Variants in ZCCHC24 observed in about 807,000 individuals in gnomAD.
ZCCHC24 encodes the protein zinc finger CCHC domain-containing protein 24.
In ZCCHC24, 10 loss-of-function variants were observed where a neutral mutation model predicts 26.2. The ratio of observed to expected loss-of-function variants is 0.38; its 90% CI spans 0.24 to 0.65. The LOEUF is 0.65. ZCCHC24 is among the 30% of genes least tolerant of loss of function. The probability of loss-of-function intolerance (pLI) is 0.54; values close to 1 mark genes in which losing one functional copy is unlikely to be tolerated. For missense variants in ZCCHC24, 243 were observed against 329.1 expected (o/e 0.74, Z 2.03); for synonymous variants, 144 against 147.1 (o/e 0.98, Z 0.15).
At chr10:79,400,498 G>A (rs1024201324) in intron 2 of ZCCHC24, among the ~76,000 whole-genome samples, 1 of 152,254 alleles carries the variant, frequency 6.6e-6, no homozygotes, top group Non-Finnish European at 1.5e-5. Context: ...GGACTGGCAG[G>A]AAAGCAGCCA....
At chr10:79,424,751 C>T (rs1292248173) in intron 2 of ZCCHC24, among the ~76,000 whole-genome samples, 3 of 152,200 alleles carry the variant, frequency 2.0e-5, no homozygotes, top group Non-Finnish European at 4.4e-5. Context: ...TCCAGCCACA[C>T]CCCCACTCCT....
chr10:79,422,661 AT>A (rs1203561153), intron 2 of ZCCHC24, among the ~76,000 whole-genome samples: 2 of 152,076 alleles, frequency 1.3e-5, no homozygotes, highest in Non-Finnish European at 2.9e-5. Context: ...GGGGGCGATG[AT>A]TGTTTTCTGT....
chr10:79,384,458 G>A lies in ZCCHC24; in HGVS notation c.*1887C>T, dbSNP rs112598645. 1,579 of 152,570 alleles carry A rather than the reference G, an allele frequency of 0.01. 16 individuals are homozygous for A. Among genetic ancestry groups the A allele is most frequent in the Middle Eastern group, 0.041 (12 of 294 alleles). The allele number at this position is 152,570 out of a possible 1,614,324, so 9.5% of individuals were successfully genotyped here. ...TCTCCTTGGGACAGAAGCCTGGGCC[G>A]GGGCCAACCCCAGCTCACCTCAACA... is the stretch of plus-strand genomic sequence containing the variant. On this transcript the variant is annotated 3_prime_UTR_variant, in exon 4 of 4. Transcript: ENST00000372336.
At chr10:79,421,198 C>T (rs985938752) in intron 2 of ZCCHC24, among the ~76,000 whole-genome samples, 3 of 152,222 alleles carry the variant, frequency 2.0e-5, no homozygotes, top group Non-Finnish European at 4.4e-5. Context: ...ACGACACCCC[C>T]AGCAACACCC....
intron 2 of ZCCHC24, among the ~76,000 whole-genome samples, chr10:79,431,203 A>G (rs1184301620): frequency 6.6e-6 from 1 of 152,194 alleles, no homozygotes; most frequent in African/African-American, 2.4e-5. Context: ...ACAAAGTGCA[A>G]CAGGCTATGG....
At chr10:79,415,036 C>T (rs1470023303) in intron 2 of ZCCHC24, among the ~76,000 whole-genome samples, 1 of 152,228 alleles carries the variant, frequency 6.6e-6, no homozygotes, top group Non-Finnish European at 1.5e-5. Context: ...CCCTGACTCA[C>T]CGCATCTGTC....
At chr10:79,429,652 G>C (rs929904077) in intron 2 of ZCCHC24, among the ~76,000 whole-genome samples, 1 of 152,182 alleles carries the variant, frequency 6.6e-6, no homozygotes, top group African/African-American at 2.4e-5. Flanking sequence ...AATGTTCTCT[G>C]ATTGAGGTGA....
chr10:79,390,071 A>G (rs550054371), intron 3 of ZCCHC24, among the ~76,000 whole-genome samples: 2 of 152,098 alleles, frequency 1.3e-5, no homozygotes, highest in African/African-American at 4.8e-5. Context: ...AGGTCTCACT[A>G]TATTGACCAG....
At chr10:79,408,603 A>G (rs1472853128) in intron 2 of ZCCHC24, among the ~76,000 whole-genome samples, 1 of 152,218 alleles carries the variant, frequency 6.6e-6, no homozygotes, top group East Asian at 1.9e-4. Flanking sequence ...GGCGCGGAAG[A>G]AAAGTAAGTA....
intron 2 of ZCCHC24, among the ~76,000 whole-genome samples, chr10:79,404,612 A>G (rs1330591617): frequency 2.6e-5 from 4 of 152,200 alleles, no homozygotes; most frequent in Non-Finnish European, 5.9e-5. Context: ...TGTTGTTTCC[A>G]GATCTTGCAC....
chr10:79,421,050 C>T (rs770781373), intron 2 of ZCCHC24, among the ~76,000 whole-genome samples: 38 of 152,318 alleles, frequency 2.5e-4, no homozygotes, highest in Admixed American at 7.2e-4. Context: ...GGCTTCAGGG[C>T]TGTGCTCGAA....
chr10:79,422,435 C>T (rs1856956501), intron 2 of ZCCHC24, among the ~76,000 whole-genome samples: 1 of 152,166 alleles, frequency 6.6e-6, no homozygotes, highest in African/African-American at 2.4e-5. Flanking sequence ...GGGAGGGGTG[C>T]AGGGGCTGGG....
At chr10:79,394,195 G>A in intron 3 of ZCCHC24, 81 bp downstream of exon 3, 1 of 1,515,998 alleles carries the variant, frequency 6.6e-7, no homozygotes, top group East Asian at 2.3e-5. Flanking sequence ...TCCCTTGTAG[G>A]AGGGAGTAAA....
intron 2 of ZCCHC24, among the ~76,000 whole-genome samples, chr10:79,406,810 G>A (rs1856720723): frequency 6.6e-6 from 1 of 152,196 alleles, no homozygotes; most frequent in Non-Finnish European, 1.5e-5. Flanking sequence ...CCTCCTACAT[G>A]GCCTTGAGCT....
chr10:79,411,362 C>A (rs1275388242), intron 2 of ZCCHC24, among the ~76,000 whole-genome samples: 1 of 152,204 alleles, frequency 6.6e-6, no homozygotes, highest in Non-Finnish European at 1.5e-5. Flanking sequence ...AGCAAATAGG[C>A]TCAGAGCAGG....
rs1002356252 is a variant in ZCCHC24 at position 79,382,790 on chromosome 10, C to G, written c.*3555G>C. 1 of 152,824 alleles carries G rather than the reference C, an allele frequency of 6.5e-6. No individual in the cohort carries two copies. The highest frequency in any genetic ancestry group is 1.5e-5 in the Non-Finnish European group (1 of 68,058). The allele number at this position is 152,824 out of a possible 1,614,324, so 9.5% of individuals were successfully genotyped here. ...GGTGTAAGGGCTCCGGTTGACATTT[C>G]CAAGTTCAAGGAGCATGGCCTGGAG... is the stretch of plus-strand genomic sequence containing the variant. On this transcript the variant is annotated 3_prime_UTR_variant, in exon 4 of 4. Transcript: ENST00000372336.
chr10:79,439,589 C>T (rs1360646929), intron 1 of ZCCHC24, among the ~76,000 whole-genome samples: 1 of 152,172 alleles, frequency 6.6e-6, no homozygotes, highest in Non-Finnish European at 1.5e-5. Flanking sequence ...GAGACAGACA[C>T]ACATATTGCT....
intron 2 of ZCCHC24, among the ~76,000 whole-genome samples, chr10:79,429,680 G>A (rs2132215581): frequency 6.6e-6 from 1 of 152,286 alleles, no homozygotes; most frequent in East Asian, 1.9e-4. Context: ...ACAACTCCAG[G>A]CATATACGAA....
At chr10:79,430,682 CA>C (rs1564640084) in intron 2 of ZCCHC24, among the ~76,000 whole-genome samples, 5 of 102,580 alleles carry the variant, frequency 4.9e-5, no homozygotes, top group Admixed American at 2.0e-4. Flanking sequence ...CTCACACACA[CA>C]CACCACACAC....
Sources: gnomAD v4.1 joint callset for allele counts (sites outside exome capture counted in the v4.1 genomes callset) on GRCh38, gnomAD v4.1.1 for gene constraint, MANE v1.5 for transcripts, NCBI Gene and HGNC (gene_info 2026-07-23, HGNC 2026-07-21) for gene names.